The following SYNJ1 variants were observed in gnomAD, a reference collection of about 807,000 sequenced individuals.
The protein encoded by SYNJ1 is synaptojanin 1.
In SYNJ1, 78 loss-of-function variants were observed where a neutral mutation model predicts 168.2. That is an observed-to-expected ratio of 0.46 (90% confidence interval 0.39 to 0.56). The LOEUF is 0.56. SYNJ1 is among the 20% of genes least tolerant of loss of function. The pLI is 0.00. For missense variants in SYNJ1, 1,303 were observed against 1,597.6 expected, an observed-to-expected ratio of 0.82 and a Z score of 3.14; for synonymous variants, 539 against 548.6, an observed-to-expected ratio of 0.98 and a Z score of 0.24.
In SYNJ1 at chr21:32,639,513, G is replaced by A. The variant is rs564686637; in HGVS notation, c.3697+158C>T. ...CTCAAGTGATCCTCCCACCTTAGCC[G>A]CCCGAGTAGCTGGGACCACAGGCAT... On this transcript the variant is annotated intron_variant, in intron 30 of 32. Coordinates refer to ENST00000674351, the MANE Select transcript of SYNJ1 (RefSeq NM_203446.3). Among the ~76,000 whole-genome samples, 18 of 152,022 alleles carry A rather than the reference G, an allele frequency of 1.2e-4. No individual in the cohort carries two copies. The South Asian group carries it at 2.5e-3, about 21-fold the overall frequency.
intron 31 of SYNJ1, among the ~76,000 whole-genome samples, chr21:32,638,024 C>T (rs1480207028): frequency 6.6e-6 from 1 of 152,152 alleles, no homozygotes; most frequent in African/African-American, 2.4e-5. Flanking sequence ...CGTATTATTT[C>T]TGTATTTCAG....
intron 20 of SYNJ1, 35 bp downstream of exon 20, chr21:32,656,968 T>C (rs2040483404): frequency 6.2e-7 from 1 of 1,610,704 alleles, no homozygotes; most frequent in African/African-American, 1.3e-5. Flanking sequence ...CAAACAAATT[T>C]CAAACACTAT....
In SYNJ1 at chr21:32,638,952, T is replaced by C; in HGVS notation, c.3871A>G (p.Arg1291Gly). The change falls in exon 31 of 33, where the codon AGG (arginine) becomes GGG (glycine). Residue 1291 changes from arginine (R) to glycine (G), a missense_variant. Coordinates refer to ENST00000674351, the MANE Select transcript of SYNJ1 (RefSeq NM_203446.3). ...TCTGAAGGCAAGCTATGGGATGACC[T>C]GCTTCGAGGTGGTGGTTGTGGTGGG... ...ETPPQPPPRSRSSHSLPSEAS... is the reference protein window; with the variant it reads ...ETPPQPPPRSGSSHSLPSEAS... 3 of 1,613,632 alleles carry C rather than the reference T, an allele frequency of 1.9e-6. No individual in the cohort carries two copies. Among genetic ancestry groups the C allele is most frequent in the Non-Finnish European group, 2.5e-6 (3 of 1,179,656 alleles).
At chr21:32,647,484 C>T (rs1296033211) in intron 23 of SYNJ1, among the ~76,000 whole-genome samples, 2 of 152,184 alleles carry the variant, frequency 1.3e-5, no homozygotes, top group Non-Finnish European at 2.9e-5. Context: ...CTGCACTCTT[C>T]TGAAATAATA....
intron 2 of SYNJ1, among the ~76,000 whole-genome samples, chr21:32,715,627 A>G (rs2042999161): frequency 2.6e-5 from 4 of 152,222 alleles, no homozygotes; most frequent in Admixed American, 2.6e-4. Context: ...AATGAAACAT[A>G]ACTCATAATA....
rs1029560620 is a variant in SYNJ1, at chr21:32,629,124, T to C, written c.*2681A>G. On this transcript the variant is annotated 3_prime_UTR_variant, in exon 33 of 33. Transcript: ENST00000674351. Reference sequence around the variant, plus strand: ...ATAAAGGCTGGGCTGCTGATATGTATATTTTAGACAGTAGTTTATATTCAA... The same window carrying C: ...ATAAAGGCTGGGCTGCTGATATGTACATTTTAGACAGTAGTTTATATTCAA... The C allele has an allele frequency of 1.3e-5, 2 of 152,682 alleles. No homozygotes were observed. Among genetic ancestry groups the C allele is most frequent in the African/African-American group, 2.4e-5 (1 of 41,472 alleles). The allele number at this position is 152,682 out of a possible 1,614,324, so 9.5% of individuals were successfully genotyped here. A position where few individuals can be genotyped will look rare whatever the true frequency, so the allele number is the denominator to read the frequency against.
At chr21:32,650,929 C>T (rs142947760) in intron 22 of SYNJ1, among the ~76,000 whole-genome samples, 9 of 152,210 alleles carry the variant, frequency 5.9e-5, no homozygotes, top group Non-Finnish European at 1.2e-4. Flanking sequence ...ATTCTAAAAA[C>T]AGAATGACTT....
intron 2 of SYNJ1, among the ~76,000 whole-genome samples, chr21:32,717,249 G>A (rs572196348): frequency 6.6e-5 from 10 of 152,282 alleles, no homozygotes; most frequent in Non-Finnish European, 1.0e-4. Context: ...GTAAGCCACC[G>A]TGCCTGGCCT....
At chr21:32,695,694 G>A (rs2042180808) in intron 4 of SYNJ1, among the ~76,000 whole-genome samples, 1 of 150,366 alleles carries the variant, frequency 6.7e-6, no homozygotes, top group Non-Finnish European at 1.5e-5. Flanking sequence ...ATGGAGTCTC[G>A]GAATGTTGCC....
intron 2 of SYNJ1, among the ~76,000 whole-genome samples, chr21:32,720,706 G>A (rs965990566): frequency 4.6e-5 from 7 of 152,206 alleles, no homozygotes; most frequent in African/African-American, 1.7e-4. Context: ...ATGCTAGCAT[G>A]TAATATGGAA....
chr21:32,725,324 A>G (rs1276308141), intron 2 of SYNJ1, among the ~76,000 whole-genome samples: 2 of 152,226 alleles, frequency 1.3e-5, no homozygotes, highest in African/African-American at 2.4e-5. Flanking sequence ...ATTCATCAGT[A>G]TAAGAATTCC....
At position 32,645,640 on chromosome 21, in the gene SYNJ1, T is replaced by G. The variant is rs745914222; in HGVS notation, c.3391+6A>C. On this transcript the variant is annotated splice_donor_region_variant and intron_variant, in intron 25 of 32. Coordinates refer to ENST00000674351, the MANE Select transcript of SYNJ1 (RefSeq NM_203446.3). ...TCTAGCAGAAATGGAAATAAAAGGT[T>G]GTCACCTGAAGGCGGAGGAGGTCTC... is the stretch of plus-strand genomic sequence containing the variant. The G allele has an allele frequency of 7.9e-6, 12 of 1,527,122 alleles. No individual in the cohort carries two copies. In the East Asian group the frequency reaches 2.4e-4, roughly 30 times the overall value. The allele number at this position is 1,527,122 out of a possible 1,614,324, so 94.6% of individuals were successfully genotyped here.
At chr21:32,657,196 C>T (rs1403170659) in intron 19 of SYNJ1, 76 bp from the exon 20 acceptor site, 2 of 984,746 alleles carry the variant, frequency 2.0e-6, no homozygotes, top group African/African-American at 3.2e-5. Flanking sequence ...GAGGCATTCT[C>T]CTTCCTTTCA....
chr21:32,706,361 A>G (rs2042608725), intron 2 of SYNJ1, among the ~76,000 whole-genome samples: 1 of 152,188 alleles, frequency 6.6e-6, no homozygotes, highest in African/African-American at 2.4e-5. Context: ...GCCATAATAC[A>G]TCACTGTTAA....
intron 2 of SYNJ1, among the ~76,000 whole-genome samples, chr21:32,721,399 C>A (rs2043215001): frequency 6.6e-6 from 1 of 152,154 alleles, no homozygotes; most frequent in Admixed American, 6.5e-5. Context: ...ATTTTGAAGG[C>A]CAGGCGTGGT....
chr21:32,666,408 T>G, intron 16 of SYNJ1, 25 bp downstream of exon 16: 1 of 1,605,140 alleles, frequency 6.2e-7, no homozygotes, highest in Non-Finnish European at 8.5e-7. Flanking sequence ...GGAAGTAGCC[T>G]TAGAGGAGTG....
chr21:32,708,524 A>G (rs1224579371), intron 2 of SYNJ1, among the ~76,000 whole-genome samples: 5 of 152,332 alleles, frequency 3.3e-5, no homozygotes, highest in Admixed American at 1.3e-4. Context: ...TTGCTTTCGG[A>G]GTGATTCTGA....
intron 26 of SYNJ1, among the ~76,000 whole-genome samples, chr21:32,643,724 A>T (rs1007283814): frequency 2.0e-5 from 3 of 152,228 alleles, no homozygotes; most frequent in African/African-American, 7.2e-5. Flanking sequence ...TAGGGAATTT[A>T]AAAAATATGT....
chr21:32,654,685 A>G (rs560224528), intron 21 of SYNJ1, among the ~76,000 whole-genome samples: 2 of 152,164 alleles, frequency 1.3e-5, no homozygotes, highest in Admixed American at 6.5e-5. Context: ...TCTGGTTCTT[A>G]TATCTATTGA....
Sources: gnomAD v4.1 joint callset for allele counts (sites outside exome capture counted in the v4.1 genomes callset) on GRCh38, gnomAD v4.1.1 for gene constraint, MANE v1.5 for transcripts, NCBI Gene and HGNC (gene_info 2026-07-23, HGNC 2026-07-21) for gene names.